SHOC1: variants seen among roughly 807,000 people sequenced by gnomAD.
The protein encoded by SHOC1 is protein shortage in chiasmata 1 ortholog.
In SHOC1, 136 loss-of-function variants were observed where a neutral mutation model predicts 179.2. The observed-to-expected ratio is 0.76, with a 90% CI of 0.66 to 0.87. The LOEUF is 0.87. Among genes scored for constraint, SHOC1 ranks in the 40% least tolerant of loss-of-function variants. SHOC1 has a pLI of 0.00. For synonymous variants in SHOC1, 489 were observed against 586.6 expected (o/e 0.83, Z 2.41); for missense variants, 1,538 against 1,700.8 (o/e 0.90, Z 1.68).
At chr9:111,739,902 GA>G (rs933511774) in intron 11 of SHOC1, among the ~76,000 whole-genome samples, 2 of 31,596 alleles carry the variant, frequency 6.3e-5, no homozygotes, top group Middle Eastern at 0.014. Flanking sequence ...CATTCTTCCA[GA>G]AAAAAAATTT....
At chr9:111,791,116 A>G (rs1836430294) in intron 2 of SHOC1, among the ~76,000 whole-genome samples, 2 of 152,212 alleles carry the variant, frequency 1.3e-5, no homozygotes, top group African/African-American at 2.4e-5. Context: ...AAAATATTGT[A>G]TAAAATTACC....
intron 2 of SHOC1, among the ~76,000 whole-genome samples, chr9:111,790,056 T>G (rs1836397636): frequency 1.3e-5 from 2 of 152,212 alleles, no homozygotes; most frequent in South Asian, 4.1e-4. Context: ...TGCATGACAA[T>G]TGTTCTAGTT....
chr9:111,686,726 C>A lies in SHOC1; in HGVS notation c.*44G>T. 7.8e-7 allele frequency: 1 copy of A among 1,280,566 alleles called. No individual in the cohort carries two copies. The highest frequency in any genetic ancestry group is 1.1e-6 in the Non-Finnish European group (1 of 881,316). 79.3% of individuals were successfully genotyped at this position (1,280,566 alleles called of 1,614,324 possible). ...AATAATTGCGCTAGTGGATTAGCAT[C>A]AAAAACAGTGGAATATGGCATGTAA... On this transcript the variant is annotated 3_prime_UTR_variant, in exon 28 of 28. Transcript: ENST00000682961.
chr9:111,700,401 G>A (rs144440853), intron 23 of SHOC1, among the ~76,000 whole-genome samples: 49 of 152,194 alleles, frequency 3.2e-4, no homozygotes, highest in Non-Finnish European at 5.1e-4. Flanking sequence ...TTCAGACATG[G>A]ACACATGACC....
intron 11 of SHOC1, among the ~76,000 whole-genome samples, chr9:111,739,432 T>C (rs1250883681): frequency 6.6e-6 from 1 of 152,156 alleles, no homozygotes; most frequent in Non-Finnish European, 1.5e-5. Flanking sequence ...CTCCGAAGTT[T>C]TGTATCCCTC....
intron 5 of SHOC1, among the ~76,000 whole-genome samples, chr9:111,772,187 G>C (rs1461154733): frequency 2.6e-5 from 4 of 152,002 alleles, no homozygotes; most frequent in Non-Finnish European, 5.9e-5. Flanking sequence ...TGGATGTTGA[G>C]AGCCTCTAAT....
Position 111,707,878 on chromosome 9 carries a change from C to T in SHOC1, c.2535G>A (p.Leu845=), listed in dbSNP as rs745445152. The T allele has an allele frequency of 6.3e-7, 1 of 1,581,668 alleles. No homozygotes were observed. Among genetic ancestry groups the T allele is most frequent in the East Asian group, 2.3e-5 (1 of 42,824 alleles). Residue 845 remains leucine (L), a synonymous_variant, in exon 19 of 28, where the codon CTG becomes CTA. Coordinates refer to ENST00000682961, the MANE Select transcript of SHOC1 (RefSeq NM_001378211.1). ...ACCCCCTTAAAACACCTTCAGATTC[C>T]AGAAAATCTTTTCTTTCATTTGAAT... The part of the protein sequence containing the change: ...VLHSNERKDF[L]ESEGVLRGTS...
intron 11 of SHOC1, 151 bp from the exon 12 acceptor site, chr9:111,738,673 T>G: frequency 1.4e-6 from 1 of 699,594 alleles, no homozygotes; most frequent in Non-Finnish European, 2.1e-6. Flanking sequence ...GCTGGTATTT[T>G]TGTCTCAAGA....
chr9:111,738,670 T>C (rs1471823656), intron 11 of SHOC1, 148 bp from the exon 12 acceptor site: 4 of 717,622 alleles, frequency 5.6e-6, no homozygotes, highest in African/African-American at 1.9e-5. Flanking sequence ...ATAGCTGGTA[T>C]TTTTGTCTCA....
intron 2 of SHOC1, among the ~76,000 whole-genome samples, chr9:111,789,006 C>T (rs1836359320): frequency 6.6e-6 from 1 of 152,210 alleles, no homozygotes; most frequent in African/African-American, 2.4e-5. Context: ...TTATTCTTCT[C>T]TATCAAGATC....
At chr9:111,733,482 T>C (rs964271134) in intron 12 of SHOC1, among the ~76,000 whole-genome samples, 1 of 152,154 alleles carries the variant, frequency 6.6e-6, no homozygotes, top group Non-Finnish European at 1.5e-5. Flanking sequence ...CTCCAGCCAA[T>C]TGTTGCCATA....
At chr9:111,748,721 CTTT>C (rs200681171) in intron 8 of SHOC1, among the ~76,000 whole-genome samples, 1 of 149,026 alleles carries the variant, frequency 6.7e-6, no homozygotes, top group Non-Finnish European at 1.5e-5. Flanking sequence ...TTACCTATCC[CTTT>C]TTTATCTTTT....
intron 13 of SHOC1, among the ~76,000 whole-genome samples, chr9:111,724,746 C>G (rs555640337): frequency 2.0e-5 from 3 of 152,206 alleles, no homozygotes; most frequent in African/African-American, 7.2e-5. Context: ...CAGCAAAGGG[C>G]TCCTCCTTTT....
At chr9:111,772,658 G>A (rs1193991965) in intron 5 of SHOC1, among the ~76,000 whole-genome samples, 1 of 152,134 alleles carries the variant, frequency 6.6e-6, no homozygotes, top group Non-Finnish European at 1.5e-5. Flanking sequence ...AAATGGTCAG[G>A]GCACTGTCTG....
In SHOC1 at chr9:111,707,880, G is replaced by GA; in HGVS notation, c.2532dup (p.Leu845SerfsTer4). ...CCCCTTAAAACACCTTCAGATTCCAGAAAATCTTTTCTTTCATTTGAATGA... is the reference window on the plus strand; with the variant it reads ...CCCCTTAAAACACCTTCAGATTCCAGAAAAATCTTTTCTTTCATTTGAATGA... On this transcript the variant is annotated frameshift_variant, in exon 19 of 28. Transcript: ENST00000682961. LOFTEE classifies it high-confidence loss of function. The GA allele has an allele frequency of 6.3e-7, 1 of 1,581,908 alleles. No individual in the cohort carries two copies. The highest frequency in any genetic ancestry group is 8.6e-7 in the Non-Finnish European group (1 of 1,166,100).
intron 16 of SHOC1, among the ~76,000 whole-genome samples, chr9:111,716,952 G>T (rs559500572): frequency 1.3e-5 from 2 of 152,304 alleles, no homozygotes; most frequent in South Asian, 4.1e-4. Context: ...AGTGTGTAGT[G>T]TCACATGCCC....
chr9:111,751,075 C>A (rs912348577), intron 8 of SHOC1, among the ~76,000 whole-genome samples: 1 of 151,990 alleles, frequency 6.6e-6, no homozygotes, highest in Non-Finnish European at 1.5e-5. Context: ...TCCGCCAGCT[C>A]CCCCAGCACC....
In SHOC1 at chr9:111,780,979, C is replaced by T; in HGVS notation, c.208G>A (p.Val70Ile). 6.2e-7 allele frequency: 1 copy of T among 1,613,628 alleles called. No individual in the cohort carries two copies. Among genetic ancestry groups the T allele is most frequent in the Non-Finnish European group, 8.5e-7 (1 of 1,179,730 alleles). The change falls in exon 4 of 28, where the codon GTC becomes ATC. Residue 70 changes from valine to isoleucine, a missense_variant. Coordinates refer to ENST00000682961, the MANE Select transcript of SHOC1 (RefSeq NM_001378211.1). ...AAACTTGCTTTCCATTGGTCCAAGA[C>T]TGAGGTATCTGTCATTCCCGGAACT... ...VSVPGMTDTS[V>I]LDQWKASFFV...
intron 15 of SHOC1, among the ~76,000 whole-genome samples, chr9:111,721,849 C>A (rs986228243): frequency 2.9e-4 from 44 of 152,302 alleles, no homozygotes; most frequent in African/African-American, 1.0e-3. Context: ...TACACCACAG[C>A]CTGCCAATTC....
Sources: gnomAD v4.1 joint callset for allele counts (sites outside exome capture counted in the v4.1 genomes callset) on GRCh38, gnomAD v4.1.1 for gene constraint, MANE v1.5 for transcripts, NCBI Gene and HGNC (gene_info 2026-07-23, HGNC 2026-07-21) for gene names.